Variants in DAB1 observed in about 807,000 individuals in gnomAD.
The protein encoded by DAB1 is DAB adaptor protein 1.
A neutral mutation model predicts 64.6 loss-of-function variants in DAB1; 15 were observed. That is an observed-to-expected ratio of 0.23 (90% CI 0.16 to 0.36). The LOEUF (loss-of-function observed/expected upper bound fraction) is 0.36. DAB1 is among the 10% of genes least tolerant of loss of function. The pLI is 1.00. For synonymous variants in DAB1, 235 were observed against 251.9 expected, an observed-to-expected ratio of 0.93 and a Z score of 0.64; for missense variants, 596 against 706.7, an observed-to-expected ratio of 0.84 and a Z score of 1.78.
At position 57,359,324 on chromosome 1, in the gene DAB1, C is replaced by T. The variant is rs1198278057; in HGVS notation, c.-137+64606G>A. ...CAAAAGAAGATACACAAATGGCTAA[C>T]AGGTATATGAAAAAAATGCTCAATA... On this transcript the variant is annotated intron_variant, in intron 1 of 14. Coordinates refer to ENST00000371236, the MANE Select transcript of DAB1 (RefSeq NM_001365792.1). 4.6e-5 allele frequency among the ~76,000 whole-genome samples: 7 copies of T among 152,006 alleles called. No homozygotes were observed. In the East Asian group the frequency reaches 1.4e-3, roughly 29 times the overall value.
At chr1:57,211,875 T>A (rs1044769445) in intron 2 of DAB1, among the ~76,000 whole-genome samples, 1 of 152,260 alleles carries the variant, frequency 6.6e-6, no homozygotes, top group African/African-American at 2.4e-5. Flanking sequence ...TATGGTAAGA[T>A]GTGCATAAGT....
At chr1:57,424,159 C>A (rs1169297225), upstream of DAB1, 2 of 148,948 alleles carry the variant, frequency 1.3e-5, no homozygotes, top group South Asian at 1.8e-4. Context: ...CCCGCCGCCC[C>A]CCGCGCCCGC....
intron 1 of DAB1, among the ~76,000 whole-genome samples, chr1:58,528,030 T>C (rs182772754): frequency 6.6e-6 from 1 of 152,248 alleles, no homozygotes; most frequent in Non-Finnish European, 1.5e-5. Context: ...GAGCTATTAA[T>C]TGGGGAAGCA....
intron 2 of DAB1, among the ~76,000 whole-genome samples, chr1:57,147,520 G>A (rs1238270053): frequency 1.3e-5 from 2 of 151,906 alleles, no homozygotes; most frequent in Non-Finnish European, 2.9e-5. Context: ...TATAACACAG[G>A]GATGATTAGT....
intron 5 of DAB1, among the ~76,000 whole-genome samples, chr1:58,118,630 T>C (rs1652542579): frequency 7.1e-6 from 1 of 141,344 alleles, no homozygotes; most frequent in South Asian, 2.2e-4. Flanking sequence ...ATAAAATACA[T>C]ATATATATAA....
At chr1:57,969,549 C>A (rs1256682969) in intron 5 of DAB1, among the ~76,000 whole-genome samples, 1 of 152,130 alleles carries the variant, frequency 6.6e-6, no homozygotes, top group Admixed American at 6.6e-5. Flanking sequence ...CTATACTATT[C>A]ATTACAGCTT....
intron 5 of DAB1, among the ~76,000 whole-genome samples, chr1:58,114,430 T>C (rs1302687043): frequency 1.3e-5 from 2 of 152,170 alleles, no homozygotes; most frequent in East Asian, 1.9e-4. Flanking sequence ...TTGGATAACA[T>C]TGAGAGAGAT....
At chr1:58,262,190 AAG>A (rs1425928994) in intron 4 of DAB1, among the ~76,000 whole-genome samples, 1 of 152,226 alleles carries the variant, frequency 6.6e-6, no homozygotes, top group African/African-American at 2.4e-5. Context: ...GGGACAGAAA[AAG>A]AGGAGGAGCC....
At chr1:58,107,823 G>C (rs1651753296) in intron 5 of DAB1, among the ~76,000 whole-genome samples, 2 of 151,872 alleles carry the variant, frequency 1.3e-5, no homozygotes, top group South Asian at 4.2e-4. Context: ...CTCCATGTTG[G>C]TCAGGCTGAT....
intron 4 of DAB1, among the ~76,000 whole-genome samples, chr1:57,107,344 C>T (rs1655261562): frequency 6.6e-6 from 1 of 150,426 alleles, no homozygotes; most frequent in African/African-American, 2.5e-5. Context: ...CATTGCACTC[C>T]AGCCTGGGTG....
intron 3 of DAB1, among the ~76,000 whole-genome samples, chr1:58,499,526 A>AT (rs2100401474): frequency 6.6e-6 from 1 of 152,210 alleles, no homozygotes; most frequent in South Asian, 2.1e-4. Context: ...AGATAGATAG[A>AT]TATTAAAAAG....
intron 7 of DAB1, among the ~76,000 whole-genome samples, chr1:57,603,750 C>A (rs1468285656): frequency 6.6e-6 from 1 of 152,166 alleles, no homozygotes; most frequent in Non-Finnish European, 1.5e-5. Flanking sequence ...TTGGATGGTA[C>A]CCAAAGGCCC....
At chr1:57,352,674 T>C (rs114048266) in intron 1 of DAB1, among the ~76,000 whole-genome samples, 1,935 of 152,256 alleles carry the variant, frequency 0.013, 36 homozygotes, top group African/African-American at 0.043. Context: ...AACCCACACA[T>C]TCTAGTAATT....
chr1:58,240,026 T>A (rs1440027663), intron 4 of DAB1, among the ~76,000 whole-genome samples: 1 of 152,120 alleles, frequency 6.6e-6, no homozygotes, highest in African/African-American at 2.4e-5. Context: ...CAGTAGGAGG[T>A]GGAGTGCAAA....
chr1:57,691,958 G>A (rs1024415347), intron 6 of DAB1, among the ~76,000 whole-genome samples: 1 of 152,066 alleles, frequency 6.6e-6, no homozygotes, highest in Non-Finnish European at 1.5e-5. Flanking sequence ...CTGGGAAAGG[G>A]CTCTCTAACA....
intron 3 of DAB1, among the ~76,000 whole-genome samples, chr1:58,417,985 G>A (rs1284172773): frequency 6.6e-6 from 1 of 152,138 alleles, no homozygotes; most frequent in African/African-American, 2.4e-5. Context: ...ACCCCACCTA[G>A]AAACACTAGG....
At chr1:57,393,652 C>A (rs920047875) in intron 1 of DAB1, among the ~76,000 whole-genome samples, 10 of 152,036 alleles carry the variant, frequency 6.6e-5, no homozygotes, top group African/African-American at 2.4e-4. Flanking sequence ...ACAGTGAGAC[C>A]CCTTCTCAAA....
chr1:57,057,744 A>G (rs924252284), intron 9 of DAB1, among the ~76,000 whole-genome samples: 4 of 150,920 alleles, frequency 2.7e-5, no homozygotes, highest in Admixed American at 6.6e-5. Flanking sequence ...AGCAGCTGGG[A>G]CTACAGGTGC....
rs540799250 is a variant in DAB1, at chr1:58,245,634, A to AT, written n.310-95047dup. 2.8e-4 allele frequency among the ~76,000 whole-genome samples: 42 copies of AT among 149,568 alleles called. 1 individual carries two copies. Among genetic ancestry groups the AT allele is most frequent in the Middle Eastern group, 3.5e-3 (1 of 284 alleles). ...GGTTTGAATCCATCTAGACACTACT[A>AT]TTTTTTTTTTCTGACCTGACCAATT... On this transcript the variant is annotated intron_variant and non_coding_transcript_variant, in intron 4 of 20. Coordinates refer to the DAB1 transcript ENST00000485760.
Sources: allele counts gnomAD v4.1 joint callset (sites outside exome capture counted in the v4.1 genomes callset), GRCh38; gene constraint gnomAD v4.1.1; transcripts MANE v1.5; gene names NCBI Gene and HGNC (gene_info 2026-07-23, HGNC 2026-07-21).